Variants in PCDHGA8 observed in about 807,000 individuals in gnomAD.
The protein encoded by PCDHGA8 is protocadherin gamma-A8.
A neutral mutation model predicts 59.2 loss-of-function variants in PCDHGA8; 45 were observed. That is an observed-to-expected ratio of 0.76 (90% confidence interval 0.60 to 0.98). PCDHGA8 has a LOEUF of 0.98. Among genes scored for constraint, PCDHGA8 ranks in the 50% least tolerant of loss-of-function variants. The pLI is 0.00. For missense variants in PCDHGA8, 1,257 were observed against 1,196.2 expected (o/e 1.05, Z -0.75); for synonymous variants, 531 against 519.0 (o/e 1.02, Z -0.32).
chr5:141,421,535 G>A, intron 1 of PCDHGA8: 7 of 1,614,032 alleles, frequency 4.3e-6, no homozygotes, highest in East Asian at 2.2e-5. Flanking sequence ...GTGTCCTCCT[G>A]TTTTTTAAAT....
chr5:141,502,535 G>A (rs910160644), intron 2 of PCDHGA8, among the ~76,000 whole-genome samples: 14 of 152,172 alleles, frequency 9.2e-5, no homozygotes, highest in South Asian at 2.1e-4. Flanking sequence ...GAGTTTGTTC[G>A]TGTGGTAAAA....
intron 1 of PCDHGA8, chr5:141,478,822 T>C: frequency 4.2e-6 from 6 of 1,444,070 alleles, no homozygotes; most frequent in Non-Finnish European, 5.5e-6. Flanking sequence ...AACTAACCAA[T>C]CTTGCTAAGG....
rs1384951887 is a variant in PCDHGA8, at chr5:141,465,860, T to C, written c.2425-28947T>C. ...AACTGAGGCTGGGCCCAGTGGCTCA[T>C]GCCTGTAATCCCAGCACTTTGGGAG... On this transcript the variant is annotated intron_variant, in intron 1 of 3. Coordinates refer to ENST00000398604, the MANE Select transcript of PCDHGA8 (RefSeq NM_032088.2). Among the ~76,000 whole-genome samples the C allele has an allele frequency of 2.0e-5, 3 of 152,114 alleles. No individual in the cohort carries two copies. The South Asian group carries it at 6.2e-4, about 32-fold the overall frequency.
rs1561745511 is a variant in PCDHGA8 at position 141,413,844 on chromosome 5, C to T, written c.2424+18607C>T. The stretch of plus-strand genomic sequence containing the variant: ...TCCTCACCGCCTCCGACGGGGGTGA[C>T]CCTCTCCGATCTGGCACTGTCCTTG... On this transcript the variant is annotated intron_variant, in intron 1 of 3. Transcript: ENST00000398604. The T allele has an allele frequency of 5.6e-6, 9 of 1,613,254 alleles. No homozygotes were observed. The East Asian group carries it at 6.7e-5, about 12-fold the overall frequency.
intron 1 of PCDHGA8, among the ~76,000 whole-genome samples, chr5:141,481,105 T>C (rs1357970765): frequency 6.6e-6 from 1 of 152,188 alleles, no homozygotes; most frequent in Non-Finnish European, 1.5e-5. Flanking sequence ...CTCTGGAACC[T>C]ACCAATCCAT....
rs750928530 is a variant in PCDHGA8 at position 141,490,174 on chromosome 5, G to T, written c.2425-4633G>T. 1 of 1,614,056 alleles carries T rather than the reference G, an allele frequency of 6.2e-7. No individual in the cohort carries two copies. Among genetic ancestry groups the T allele is most frequent in the South Asian group, 1.1e-5 (1 of 91,086 alleles). ...TGTGTTGGGTCCCATAGACTTTGAG[G>T]AGTCACGTTTCTATGAAATTCATGC... On this transcript the variant is annotated intron_variant, in intron 1 of 3. Transcript: ENST00000398604. This position sits in a 1 kb window ranked among gnomAD's most constrained non-coding sequence, Gnocchi z 5.4.
chr5:141,500,184 TTTTA>T (rs58019021), intron 2 of PCDHGA8, among the ~76,000 whole-genome samples: 6,359 of 135,894 alleles, frequency 0.047, 285 homozygotes, highest in African/African-American at 0.12. Context: ...TCATTTTTAT[TTTTA>T]TTTATTTATT....
intron 1 of PCDHGA8, chr5:141,412,667 AC>A (rs1385712050): frequency 6.6e-6 from 1 of 152,284 alleles, no homozygotes; most frequent in Non-Finnish European, 1.5e-5. Flanking sequence ...CACTAATATG[AC>A]CTAAAATAAG....
intron 1 of PCDHGA8, chr5:141,422,797 G>A (rs1037091316): frequency 2.5e-6 from 4 of 1,614,244 alleles, no homozygotes; most frequent in Non-Finnish European, 3.4e-6. Context: ...CTTCGACTAT[G>A]AGCAGTTTCG....
Position 141,454,549 on chromosome 5 carries a change from G to A in PCDHGA8, c.2425-40258G>A, listed in dbSNP as rs188623155. ...AGCCTCCCAAGTAGCTGAGATTACA[G>A]GCATGTGCCACCACGCCCGGCTAAT... On this transcript the variant is annotated intron_variant, in intron 1 of 3. Transcript: ENST00000398604. Among the ~76,000 whole-genome samples, 406 of 152,154 alleles carry A rather than the reference G, an allele frequency of 2.7e-3. 2 individuals are homozygous for A. The highest frequency in any genetic ancestry group is 0.021 in the South Asian group (99 of 4,814).
In PCDHGA8 at chr5:141,395,251, T is replaced by G. The variant is rs2093205315; in HGVS notation, c.2424+14T>G. ...GATCATGGTCAGGTGAGTTTAGTTC[T>G]TTGCTTGCTTTTAATTTCCAGATGA... On this transcript the variant is annotated intron_variant, in intron 1 of 3. Transcript: ENST00000398604. 1.3e-6 allele frequency: 2 copies of G among 1,557,062 alleles called. No individual in the cohort carries two copies. Among genetic ancestry groups the G allele is most frequent in the Non-Finnish European group, 1.7e-6 (2 of 1,151,476 alleles).
chr5:141,450,916 C>T (rs1168320527), intron 1 of PCDHGA8, among the ~76,000 whole-genome samples: 1 of 151,580 alleles, frequency 6.6e-6, no homozygotes, highest in Admixed American at 6.6e-5. Flanking sequence ...CCGCTGCCTC[C>T]CAGATTCAAG....
chr5:141,408,667 C>T, intron 1 of PCDHGA8: 1 of 1,613,954 alleles, frequency 6.2e-7, no homozygotes, highest in Non-Finnish European at 8.5e-7. Flanking sequence ...TATCGCTTGA[C>T]CCTGCCACGG....
At chr5:141,470,001 C>T (rs753591964) in intron 1 of PCDHGA8, among the ~76,000 whole-genome samples, 6 of 152,006 alleles carry the variant, frequency 3.9e-5, no homozygotes, top group Admixed American at 1.3e-4. Context: ...CGTCGTGGCA[C>T]GCCTGTAATC....
At position 141,477,023 on chromosome 5, in the gene PCDHGA8, A is replaced by T. The variant is rs763926460; in HGVS notation, c.2425-17784A>T. ...ATTCGCCTTAGACCTTGTAACCGGG[A>T]TGCTGACAATCAAGGGTCGGCTGGA... is the stretch of plus-strand genomic sequence containing the variant. On this transcript the variant is annotated intron_variant, in intron 1 of 3. Transcript: ENST00000398604. The surrounding 1 kb of genome is among the most constrained non-coding windows in gnomAD (Gnocchi z 4.9). 6.2e-7 allele frequency: 1 copy of T among 1,614,240 alleles called. No homozygotes were observed. The highest frequency in any genetic ancestry group is 8.5e-7 in the Non-Finnish European group (1 of 1,180,040).
At chr5:141,466,938 G>C (rs985959499) in intron 1 of PCDHGA8, among the ~76,000 whole-genome samples, 1 of 151,854 alleles carries the variant, frequency 6.6e-6, no homozygotes, top group Non-Finnish European at 1.5e-5. Context: ...TTAGTCCTTT[G>C]TCCAGTAAAC....
intron 1 of PCDHGA8, chr5:141,428,054 G>A (rs763394113): frequency 6.2e-7 from 1 of 1,609,038 alleles, no homozygotes; most frequent in Admixed American, 1.7e-5. Context: ...CCAAGGTGGT[G>A]GCGGTGGACG....
Position 141,511,983 on chromosome 5 carries a change from G to C in PCDHGA8, c.*810G>C, listed in dbSNP as rs904146751. On this transcript the variant is annotated 3_prime_UTR_variant, in exon 4 of 4. Coordinates refer to ENST00000398604, the MANE Select transcript of PCDHGA8 (RefSeq NM_032088.2). ...AGGGAAGTGTGTGGATGTGGATGGT[G>C]GGGGCATGGACAAAGCTTGACACAT... 6.5e-6 allele frequency: 1 copy of C among 153,280 alleles called. No individual in the cohort carries two copies. The allele number at this position is 153,280 out of a possible 1,614,324, so 9.5% of individuals were successfully genotyped here.
chr5:141,400,030 C>G (rs201599536), intron 1 of PCDHGA8: 3 of 1,613,050 alleles, frequency 1.9e-6, no homozygotes, highest in Non-Finnish European at 2.5e-6. Flanking sequence ...GGACGCGGCC[C>G]GCCAGCGCCT....
Sources: allele counts gnomAD v4.1 joint callset (sites outside exome capture counted in the v4.1 genomes callset), GRCh38; gene constraint gnomAD v4.1.1; non-coding constraint Gnocchi (gnomAD v3.1); transcripts MANE v1.5; gene names NCBI Gene and HGNC (gene_info 2026-07-23, HGNC 2026-07-21).